Variants in RSPH9 observed in about 807,000 individuals in gnomAD.
The protein encoded by RSPH9 is radial spoke head component 9, also known as radial spoke head protein 9 homolog.
Under a neutral mutation model 27.0 loss-of-function variants are expected in RSPH9, and 27 were observed. The observed-to-expected ratio is 1.00, with a 90% CI of 0.74 to 1.38. The LOEUF (loss-of-function observed/expected upper bound fraction) is 1.38, where lower values mean the gene tolerates loss of function less well. Among genes scored for constraint, RSPH9 ranks in the 40% most tolerant of loss-of-function variants. The pLI is 0.00. For synonymous variants in RSPH9, 145 were observed against 147.7 expected, an observed-to-expected ratio of 0.98 and a Z score of 0.13; for missense variants, 347 against 357.4, an observed-to-expected ratio of 0.97 and a Z score of 0.24.
In RSPH9 at chr6:43,655,504, G is replaced by A. The variant is rs944706263; in HGVS notation, c.394-58G>A. The A allele has an allele frequency of 3.7e-6, 6 of 1,609,886 alleles. No individual in the cohort carries two copies. The African/African-American group carries it at 6.7e-5, about 18-fold the overall frequency. ...TGAGATGGCCGTGCAGAGGGACCTT[G>A]CGCCGGGGTGCCTGGGCACAGTGCC... On this transcript the variant is annotated intron_variant, in intron 2 of 4. Coordinates refer to ENST00000372163, the MANE Select transcript of RSPH9 (RefSeq NM_152732.5).
At chr6:43,655,503 T>TGCGCC in intron 2 of RSPH9, 59 bp from the exon 3 acceptor site, 1 of 1,608,870 alleles carries the variant, frequency 6.2e-7, no homozygotes, top group Admixed American at 1.7e-5. Context: ...AGAGGGACCT[T>TGCGCC]GCGCCGGGGT....
At chr6:43,659,516 G>A (rs1043525927) in intron 4 of RSPH9, among the ~76,000 whole-genome samples, 2 of 151,222 alleles carry the variant, frequency 1.3e-5, no homozygotes, top group Non-Finnish European at 2.9e-5. Context: ...CTGAGTATCT[G>A]GGACTACAGG....
chr6:43,652,840 A>G (rs1294326415), intron 2 of RSPH9, among the ~76,000 whole-genome samples: 6 of 150,938 alleles, frequency 4.0e-5, no homozygotes, highest in Non-Finnish European at 8.8e-5. Context: ...TGTTTTTGAG[A>G]CAGAGTCTTG....
intron 4 of RSPH9, among the ~76,000 whole-genome samples, chr6:43,657,326 C>A (rs1772139699): frequency 6.6e-6 from 1 of 152,188 alleles, no homozygotes. Flanking sequence ...ATAATGACAA[C>A]AATAACAACT....
chr6:43,645,391 G>GGC, intron 1 of RSPH9, 66 bp downstream of exon 1: 1 of 400,200 alleles, frequency 2.5e-6, no homozygotes, highest in Non-Finnish European at 5.0e-6. Flanking sequence ...GGGTGGGCGG[G>GGC]TCGCAGCAAT....
chr6:43,659,540 G>A (rs190656394), intron 4 of RSPH9, among the ~76,000 whole-genome samples: 6 of 151,484 alleles, frequency 4.0e-5, no homozygotes, highest in East Asian at 3.9e-4. Flanking sequence ...CCGCCGCCAC[G>A]GCTGGCTAAT....
Position 43,645,123 on chromosome 6 carries a change from T to C in RSPH9, c.25T>C (p.Ser9Pro), listed in dbSNP as rs767450427. Residue 9 changes from serine to proline, a missense_variant, in exon 1 of 5, where the codon TCT becomes CCT. Transcript: ENST00000372163. Reference protein sequence around the residue: MDADSLLLSLELASGSGQG... With the variant: MDADSLLLPLELASGSGQG... ...GATGGACGCCGACAGCCTCCTGCTG[T>C]CTCTGGAGCTGGCGTCCGGCAGTGG... The C allele has an allele frequency of 1.9e-6, 3 of 1,612,696 alleles. No individual in the cohort carries two copies. The highest frequency in any genetic ancestry group is 3.3e-5 in the Admixed American group (2 of 59,996).
At chr6:43,668,335 C>T (rs920550831) in intron 4 of RSPH9, among the ~76,000 whole-genome samples, 5 of 152,120 alleles carry the variant, frequency 3.3e-5, no homozygotes, top group Non-Finnish European at 5.9e-5. Flanking sequence ...GAGCCAGGGA[C>T]GATGAGAGGA....
At chr6:43,661,892 T>C (rs1772668439) in intron 4 of RSPH9, among the ~76,000 whole-genome samples, 2 of 152,118 alleles carry the variant, frequency 1.3e-5, no homozygotes, top group South Asian at 4.1e-4. Flanking sequence ...CTAACATTGA[T>C]TGATTGACTG....
chr6:43,667,940 A>C (rs1437355830), intron 4 of RSPH9, among the ~76,000 whole-genome samples: 1 of 152,114 alleles, frequency 6.6e-6, no homozygotes, highest in Non-Finnish European at 1.5e-5. Context: ...GAATGTAATT[A>C]GAGTAAGTAC....
Position 43,656,008 on chromosome 6 carries a change from C to CCTTT in RSPH9, c.523+320_523+321insTCTT, listed in dbSNP as rs1173011828. On this transcript the variant is annotated intron_variant, in intron 3 of 4. Transcript: ENST00000372163. Reference sequence around the variant, plus strand: ...CTTGGACTTCCTTCCTTCCTTCCTTCCTTCCTTCCTTCCTTCCTTCCTTCC... The same window carrying CCTTT: ...CTTGGACTTCCTTCCTTCCTTCCTTCCTTTCTTCCTTCCTTCCTTCCTTCCTTCC... Among the ~76,000 whole-genome samples the CCTTT allele has an allele frequency of 2.3e-5, 3 of 131,016 alleles. No homozygotes were observed. The East Asian group carries it at 6.6e-4, about 29-fold the overall frequency. The allele number at this position is 131,016 out of a possible 152,430, so 86.0% of individuals were successfully genotyped here. A position where few individuals can be genotyped will look rare whatever the true frequency, so the allele number is the denominator to read the frequency against.
intron 4 of RSPH9, 32 bp downstream of exon 4, chr6:43,656,755 C>G (rs1186238053): frequency 6.2e-7 from 1 of 1,611,470 alleles, no homozygotes; most frequent in East Asian, 2.2e-5. Flanking sequence ...GCCATGGGAT[C>G]TGTCCTCAGG....
At chr6:43,667,667 A>C (rs1773284999) in intron 4 of RSPH9, among the ~76,000 whole-genome samples, 1 of 151,844 alleles carries the variant, frequency 6.6e-6, no homozygotes, top group South Asian at 2.1e-4. Flanking sequence ...CGGGTCTGGC[A>C]GCCAGAGGTT....
At chr6:43,660,666 T>C (rs1261553785) in intron 4 of RSPH9, among the ~76,000 whole-genome samples, 1 of 152,078 alleles carries the variant, frequency 6.6e-6, no homozygotes, top group Non-Finnish European at 1.5e-5. Context: ...GGTTTTACCG[T>C]GTTAGCCAGG....
chr6:43,658,437 C>CTA (rs1387407593), intron 4 of RSPH9, among the ~76,000 whole-genome samples: 3 of 151,684 alleles, frequency 2.0e-5, no homozygotes, highest in African/African-American at 7.3e-5. Context: ...TTGTACTATA[C>CTA]TATAGTTTGT....
Position 43,671,508 on chromosome 6 carries a change from C to T in RSPH9, c.*559C>T, listed in dbSNP as rs922650009. On this transcript the variant is annotated 3_prime_UTR_variant, in exon 5 of 5. Coordinates refer to ENST00000372163, the MANE Select transcript of RSPH9 (RefSeq NM_152732.5). ...CGTTGGGCAAAACTCCTGTCCCCAG[C>T]ACTGAGCATGGCCTAAGCCCCATAG... 6 of 554,544 alleles carry T rather than the reference C, an allele frequency of 1.1e-5. No individual in the cohort carries two copies. The highest frequency in any genetic ancestry group is 1.6e-5 in the Non-Finnish European group (5 of 309,760). The allele number at this position is 554,544 out of a possible 1,614,324, so 34.4% of individuals were successfully genotyped here.
At chr6:43,666,286 C>T (rs1410927427) in intron 4 of RSPH9, 2 of 663,808 alleles carry the variant, frequency 3.0e-6, no homozygotes, top group Non-Finnish European at 5.4e-6. Flanking sequence ...GCTCCCCTGC[C>T]AGGCAGGCAG....
chr6:43,665,278 T>C (rs548332886), intron 4 of RSPH9, among the ~76,000 whole-genome samples: 1 of 152,330 alleles, frequency 6.6e-6, no homozygotes, highest in African/African-American at 2.4e-5. Context: ...AGGTGGACCC[T>C]GGAGGCAGCT....
chr6:43,655,109 G>C (rs1018756228), intron 2 of RSPH9, among the ~76,000 whole-genome samples: 1 of 152,200 alleles, frequency 6.6e-6, no homozygotes, highest in Non-Finnish European at 1.5e-5. Flanking sequence ...AGGATTATGA[G>C]TGGTTTTAGT....
Sources: gnomAD v4.1 joint callset for allele counts (sites outside exome capture counted in the v4.1 genomes callset) on GRCh38, gnomAD v4.1.1 for gene constraint, MANE v1.5 for transcripts, NCBI Gene and HGNC (gene_info 2026-07-23, HGNC 2026-07-21) for gene names.